Variants in SDK1 observed in about 807,000 individuals in gnomAD.
The protein encoded by SDK1 is protein sidekick-1.
SDK1 carries 157 observed loss-of-function variants against 245.5 expected under a neutral mutation model. The observed-to-expected ratio is 0.64, with a 90% confidence interval of 0.56 to 0.73. The LOEUF is 0.73. SDK1 is among the 30% of genes least tolerant of loss of function. SDK1 has a pLI of 0.00. For missense variants in SDK1, 3,583 were observed against 3,002.3 expected, an observed-to-expected ratio of 1.19 and a Z score of -4.52; for synonymous variants, 1,647 against 1,278.5, an observed-to-expected ratio of 1.29 and a Z score of -6.15.
At chr7:3,541,568 C>G (rs1459658721) in intron 1 of SDK1, among the ~76,000 whole-genome samples, 1 of 152,218 alleles carries the variant, frequency 6.6e-6, no homozygotes, top group Non-Finnish European at 1.5e-5. Context: ...CTTCTTACCA[C>G]TGTACCCATG....
chr7:3,323,971 C>G (rs1344145945), intron 1 of SDK1, among the ~76,000 whole-genome samples: 1 of 152,104 alleles, frequency 6.6e-6, no homozygotes, highest in Non-Finnish European at 1.5e-5. Flanking sequence ...TTTCTTTAAG[C>G]CGTTTGGTCT....
chr7:3,394,246 T>C (rs1324965764), intron 1 of SDK1, among the ~76,000 whole-genome samples: 1 of 152,172 alleles, frequency 6.6e-6, no homozygotes, highest in Non-Finnish European at 1.5e-5. Context: ...TAAGATCATC[T>C]TTTTGCATGT....
At chr7:3,433,327 T>A (rs1345313952) in intron 1 of SDK1, among the ~76,000 whole-genome samples, 1 of 152,224 alleles carries the variant, frequency 6.6e-6, no homozygotes, top group African/African-American at 2.4e-5. Flanking sequence ...TTAGTTGATA[T>A]TTGGTTTAGT....
intron 1 of SDK1, among the ~76,000 whole-genome samples, chr7:3,544,094 C>T (rs1779135931): frequency 6.6e-6 from 1 of 152,114 alleles, no homozygotes; most frequent in South Asian, 2.1e-4. Flanking sequence ...AGGCCTTTCT[C>T]CTTAGGAAAT....
Position 3,396,656 on chromosome 7 carries a change from G to A in SDK1, c.298+94772G>A, listed in dbSNP as rs144468537. ...TTTTGTCTTTAAATTCATTTTGTCT[G>A]ATATTAATATAGCTGTCCTCTGATT... On this transcript the variant is annotated intron_variant, in intron 1 of 44. Transcript: ENST00000404826. Among the ~76,000 whole-genome samples the A allele has an allele frequency of 5.1e-3, 769 of 151,510 alleles. 8 individuals carry two copies. Among genetic ancestry groups the A allele is most frequent in the African/African-American group, 0.017 (711 of 41,418 alleles).
At chr7:3,721,890 C>T (rs1346020796) in intron 4 of SDK1, among the ~76,000 whole-genome samples, 3 of 152,170 alleles carry the variant, frequency 2.0e-5, no homozygotes, top group Non-Finnish European at 4.4e-5. Flanking sequence ...TACCAATTAT[C>T]TCCTGATTTT....
At chr7:3,525,131 G>T (rs1426009144) in intron 1 of SDK1, among the ~76,000 whole-genome samples, 1 of 152,020 alleles carries the variant, frequency 6.6e-6, no homozygotes, top group African/African-American at 2.4e-5. Flanking sequence ...GATGTGCATG[G>T]GTTATTTGTA....
At chr7:4,101,909 G>C (rs574842053) in intron 22 of SDK1, among the ~76,000 whole-genome samples, 4 of 152,110 alleles carry the variant, frequency 2.6e-5, no homozygotes, top group Admixed American at 2.6e-4. Context: ...GAGGGAGATC[G>C]AGAGAGCCAG....
chr7:3,917,646 G>A (rs1008451997), intron 5 of SDK1, among the ~76,000 whole-genome samples: 2 of 152,090 alleles, frequency 1.3e-5, no homozygotes, highest in African/African-American at 4.8e-5. Flanking sequence ...CCTTACCCAG[G>A]GTTAGAGGAA....
At chr7:3,337,059 C>G (rs183915339) in intron 1 of SDK1, among the ~76,000 whole-genome samples, 23 of 152,260 alleles carry the variant, frequency 1.5e-4, no homozygotes, top group African/African-American at 3.4e-4. Context: ...ATACCAAGAT[C>G]CAGGAATATC....
intron 5 of SDK1, among the ~76,000 whole-genome samples, chr7:3,848,884 C>A: frequency 6.6e-6 from 1 of 152,282 alleles, no homozygotes; most frequent in Non-Finnish European, 1.5e-5. Flanking sequence ...GTTGACCAGG[C>A]TGGTCTCGAA....
intron 43 of SDK1, among the ~76,000 whole-genome samples, chr7:4,243,775 C>G (rs1267396318): frequency 2.0e-5 from 3 of 152,152 alleles, no homozygotes; most frequent in African/African-American, 4.8e-5. Context: ...CAAACCATAT[C>G]AGACCCCACA....
At chr7:3,990,434 C>G (rs1345995797) in intron 14 of SDK1, among the ~76,000 whole-genome samples, 1 of 152,156 alleles carries the variant, frequency 6.6e-6, no homozygotes, top group Non-Finnish European at 1.5e-5. Context: ...TTCAACGGCT[C>G]TGACCGAACG....
intron 44 of SDK1, among the ~76,000 whole-genome samples, chr7:4,261,792 T>G (rs1448792138): frequency 2.0e-5 from 3 of 152,022 alleles, no homozygotes; most frequent in African/African-American, 7.2e-5. Context: ...CTGACCCCTG[T>G]GAGAGACGGG....
At chr7:4,248,486 C>T (rs779094608) in intron 44 of SDK1, among the ~76,000 whole-genome samples, 5 of 151,746 alleles carry the variant, frequency 3.3e-5, no homozygotes, top group Non-Finnish European at 7.4e-5. Flanking sequence ...CCTAAATACA[C>T]ACAACATATA....
At chr7:3,710,189 A>G (rs1167304627) in intron 4 of SDK1, among the ~76,000 whole-genome samples, 2 of 152,230 alleles carry the variant, frequency 1.3e-5, no homozygotes, top group African/African-American at 4.8e-5. Flanking sequence ...TAGAGCCAGT[A>G]ACATGCAGCA....
chr7:3,973,055 G>C (rs1782614629), intron 12 of SDK1, among the ~76,000 whole-genome samples: 1 of 152,116 alleles, frequency 6.6e-6, no homozygotes, highest in African/African-American at 2.4e-5. Flanking sequence ...GATCCCTGTG[G>C]TTTCGTAGTA....
Position 3,413,541 on chromosome 7 carries a change from G to A in SDK1, c.298+111657G>A, listed in dbSNP as rs544902292. 1.2e-3 allele frequency among the ~76,000 whole-genome samples: 176 copies of A among 152,118 alleles called. 1 individual carries two copies. Among genetic ancestry groups the A allele is most frequent in the African/African-American group, 4.0e-3 (168 of 41,506 alleles). ...GAAACTCCGTCTCTACTAAAGGCAT[G>A]AAAATTAGGCATGGCGGTGGGCACC... On this transcript the variant is annotated intron_variant, in intron 1 of 44. Coordinates refer to ENST00000404826, the MANE Select transcript of SDK1 (RefSeq NM_152744.4).
intron 15 of SDK1, among the ~76,000 whole-genome samples, 198 bp downstream of exon 15, chr7:4,011,311 A>T (rs1049154803): frequency 6.6e-6 from 1 of 152,226 alleles, no homozygotes; most frequent in Non-Finnish European, 1.5e-5. Flanking sequence ...GCCTTCCTTC[A>T]TTGCTTTGAG....
Sources: gnomAD v4.1 joint callset for allele counts (sites outside exome capture counted in the v4.1 genomes callset) on GRCh38, gnomAD v4.1.1 for gene constraint, MANE v1.5 for transcripts, NCBI Gene and HGNC (gene_info 2026-07-23, HGNC 2026-07-21) for gene names.